Variants in ROBO2 observed in about 807,000 individuals in gnomAD.
ROBO2 encodes roundabout homolog 2.
A neutral mutation model predicts 160.8 loss-of-function variants in ROBO2; 53 were observed. That is an observed-to-expected ratio of 0.33 (90% confidence interval 0.26 to 0.41). ROBO2 has a LOEUF of 0.41. Among genes scored for constraint, ROBO2 ranks in the 10% least tolerant of loss-of-function variants. ROBO2 has a pLI of 1.00. For synonymous variants in ROBO2, 664 were observed against 611.7 expected (o/e 1.09, Z -1.26); for missense variants, 1,577 against 1,722.4 (o/e 0.92, Z 1.49).
intron 2 of ROBO2, among the ~76,000 whole-genome samples, chr3:76,887,194 A>AT (rs5850296): frequency 0.021 from 1,590 of 76,614 alleles, 149 homozygotes; most frequent in East Asian, 0.032. Flanking sequence ...TTCAGGAAGC[A>AT]TTTTTTTTTT....
chr3:76,241,516 G>A (rs1430098414), intron 2 of ROBO2, among the ~76,000 whole-genome samples: 2 of 152,134 alleles, frequency 1.3e-5, no homozygotes, highest in African/African-American at 2.4e-5. Flanking sequence ...AATAAGCTTC[G>A]TGACTGAAAC....
chr3:75,972,526 T>G lies in ROBO2; in HGVS notation c.109+34924T>G, dbSNP rs983104398. Among the ~76,000 whole-genome samples, 3 of 151,810 alleles carry G rather than the reference T, an allele frequency of 2.0e-5. No individual in the cohort carries two copies. In the East Asian group the frequency reaches 5.9e-4, roughly 30 times the overall value. On this transcript the variant is annotated intron_variant, in intron 2 of 26. Transcript: ENST00000487694. ...CTGCCAGCTTGACTTATTACTCTTA[T>G]ATAAGCAACTTCTAAATAAATGAAA...
intron 2 of ROBO2, among the ~76,000 whole-genome samples, chr3:76,536,711 A>G (rs551286231): frequency 1.3e-5 from 2 of 152,200 alleles, no homozygotes; most frequent in South Asian, 4.2e-4. Flanking sequence ...TAGGGTATAA[A>G]CAACTCTTTC....
chr3:76,819,003 C>T (rs1216293448), intron 2 of ROBO2, among the ~76,000 whole-genome samples: 1 of 151,982 alleles, frequency 6.6e-6, no homozygotes, highest in Non-Finnish European at 1.5e-5. Flanking sequence ...AGATTTTCTC[C>T]CTCAGAACCC....
chr3:77,016,768 G>T (rs1034147786), intron 2 of ROBO2, among the ~76,000 whole-genome samples: 2 of 152,116 alleles, frequency 1.3e-5, no homozygotes, highest in Non-Finnish European at 2.9e-5. Flanking sequence ...GGAAGTATAC[G>T]TCACTAAAAT....
chr3:76,192,527 CA>C (rs1280327229), intron 2 of ROBO2, among the ~76,000 whole-genome samples: 1 of 30,014 alleles, frequency 3.3e-5, no homozygotes, highest in African/African-American at 1.5e-4. Flanking sequence ...CACTCCACCA[CA>C]CACACACACA....
chr3:76,996,244 C>T (rs1276490496), intron 2 of ROBO2, among the ~76,000 whole-genome samples: 2 of 152,100 alleles, frequency 1.3e-5, no homozygotes, highest in Non-Finnish European at 2.9e-5. Flanking sequence ...TCAGGTGTGT[C>T]AAAGATCAGA....
intron 2 of ROBO2, among the ~76,000 whole-genome samples, chr3:77,219,879 G>T (rs2085547406): frequency 6.6e-6 from 1 of 151,552 alleles, no homozygotes; most frequent in South Asian, 2.1e-4. Context: ...ACGAGATGTA[G>T]ATCTGAATTT....
chr3:76,097,749 T>C (rs1011353941), intron 2 of ROBO2, among the ~76,000 whole-genome samples: 3 of 152,120 alleles, frequency 2.0e-5, no homozygotes, highest in Non-Finnish European at 4.4e-5. Flanking sequence ...GCAACTGTAA[T>C]CTCTGTGAGG....
intron 2 of ROBO2, among the ~76,000 whole-genome samples, chr3:76,791,579 A>G (rs529082509): frequency 5.3e-5 from 8 of 151,504 alleles, no homozygotes; most frequent in Admixed American, 2.6e-4. Context: ...TCTCTTGCCA[A>G]TAGCCACAGG....
chr3:76,256,754 T>G (rs529798080), intron 2 of ROBO2, among the ~76,000 whole-genome samples: 4 of 151,942 alleles, frequency 2.6e-5, no homozygotes, highest in African/African-American at 7.2e-5. Flanking sequence ...CACCCGAGAC[T>G]GGGTAATTTA....
At chr3:76,888,654 A>G (rs1577274329) in intron 2 of ROBO2, among the ~76,000 whole-genome samples, 1 of 152,176 alleles carries the variant, frequency 6.6e-6, no homozygotes, top group Admixed American at 6.6e-5. Flanking sequence ...TACATATGAC[A>G]TCGTAGTCTT....
chr3:76,735,326 A>C (rs1168311923), intron 2 of ROBO2, among the ~76,000 whole-genome samples: 1 of 152,316 alleles, frequency 6.6e-6, no homozygotes, highest in Middle Eastern at 3.4e-3. Flanking sequence ...TTAAGCAAAT[A>C]AACTCAGAAA....
At chr3:76,101,662 A>T (rs1209617848) in intron 2 of ROBO2, among the ~76,000 whole-genome samples, 1 of 151,474 alleles carries the variant, frequency 6.6e-6, no homozygotes, top group African/African-American at 2.4e-5. Context: ...CTCGTCATTT[A>T]CATGAGGTAT....
intron 2 of ROBO2, among the ~76,000 whole-genome samples, chr3:76,849,692 T>A (rs2069130469): frequency 6.6e-6 from 1 of 152,212 alleles, no homozygotes. Flanking sequence ...AGCATAGTAT[T>A]ATAGTGAGAG....
chr3:77,195,604 T>C (rs1276746134), intron 2 of ROBO2, among the ~76,000 whole-genome samples: 1 of 152,206 alleles, frequency 6.6e-6, no homozygotes, highest in Non-Finnish European at 1.5e-5. Context: ...TTTAAATCTG[T>C]CTTATCTATA....
At chr3:77,607,513 A>G (rs1301854419) in intron 20 of ROBO2, among the ~76,000 whole-genome samples, 1 of 152,200 alleles carries the variant, frequency 6.6e-6, no homozygotes, top group Non-Finnish European at 1.5e-5. Context: ...CAATGAAAAC[A>G]TGAAGGCACC....
chr3:76,916,793 T>TTGA (rs1322597175), intron 2 of ROBO2, among the ~76,000 whole-genome samples: 2 of 152,148 alleles, frequency 1.3e-5, no homozygotes, highest in Non-Finnish European at 2.9e-5. Flanking sequence ...CCAAAGAAAT[T>TTGA]ACTTAAGTTC....
At chr3:76,955,510 CTTG>C (rs1426394437) in intron 2 of ROBO2, among the ~76,000 whole-genome samples, 1 of 152,124 alleles carries the variant, frequency 6.6e-6, no homozygotes, top group African/African-American at 2.4e-5. Flanking sequence ...CTTGCCAAAA[CTTG>C]TTATTTTCTG....
Sources: allele counts gnomAD v4.1 joint callset (sites outside exome capture counted in the v4.1 genomes callset), GRCh38; gene constraint gnomAD v4.1.1; transcripts MANE v1.5; gene names NCBI Gene and HGNC (gene_info 2026-07-23, HGNC 2026-07-21).